The following RPS27A variants were observed in gnomAD, a reference collection of about 807,000 sequenced individuals.
RPS27A encodes the protein ribosomal protein S27a.
Under a neutral mutation model 18.9 loss-of-function variants are expected in RPS27A, and 1 was observed. That is an observed-to-expected ratio of 0.05 (90% CI 0.02 to 0.25). The LOEUF (loss-of-function observed/expected upper bound fraction) is 0.25. Ranked by LOEUF, RPS27A falls within the 10% of genes least tolerant of loss-of-function variation. RPS27A has a pLI of 1.00. For missense variants in RPS27A, 123 were observed against 187.4 expected (o/e 0.66, Z 2.01); for synonymous variants, 77 against 63.7 (o/e 1.21, Z -0.99).
At chr2:55,232,591 C>A (rs908211431), upstream of RPS27A, 4 of 594,290 alleles carry the variant, frequency 6.7e-6, no homozygotes, top group African/African-American at 1.9e-5. Context: ...GTTGGATTGT[C>A]GCTGGGACGG....
chr2:55,234,702 T>C, intron 4 of RPS27A, 129 bp from the exon 5 acceptor site: 1 of 1,028,332 alleles, frequency 9.7e-7, no homozygotes, highest in Non-Finnish European at 1.5e-6. Context: ...CTTTATTGGG[T>C]TTGGGGGCTG....
intron 3 of RPS27A, 71 bp from the exon 4 acceptor site, chr2:55,234,048 G>A (rs964582930): frequency 4.1e-6 from 4 of 968,174 alleles, no homozygotes; most frequent in South Asian, 1.3e-5. Flanking sequence ...ATTAAGGGGT[G>A]TTACCTTATA....
chr2:55,235,830 T>G lies in RPS27A; in HGVS notation c.*253T>G, dbSNP rs1675765021. On this transcript the variant is annotated 3_prime_UTR_variant, in exon 6 of 6. Transcript: ENST00000272317. ...ACCTATACTTTGGCAGAAGTTATATTTAATGTAAGTTGTCTAAATATAAGC... is the reference window on the plus strand; with the variant it reads ...ACCTATACTTTGGCAGAAGTTATATGTAATGTAAGTTGTCTAAATATAAGC... 1.9e-6 allele frequency: 1 copy of G among 527,628 alleles called. No homozygotes were observed. Among genetic ancestry groups the G allele is most frequent in the Non-Finnish European group, 3.4e-6 (1 of 292,964 alleles). The allele number at this position is 527,628 out of a possible 1,614,324, so 32.7% of individuals were successfully genotyped here. A position where few individuals can be genotyped will look rare whatever the true frequency, so the allele number is the denominator to read the frequency against.
intron 5 of RPS27A, 130 bp from the exon 6 acceptor site, chr2:55,235,298 G>T: frequency 9.9e-7 from 1 of 1,006,480 alleles, no homozygotes. Flanking sequence ...TGAGAATTTA[G>T]GGTGCTTTGG....
chr2:55,235,124 G>T, intron 5 of RPS27A, 162 bp downstream of exon 5: 1 of 841,298 alleles, frequency 1.2e-6, no homozygotes, highest in Non-Finnish European at 1.9e-6. Context: ...ACTTTCTGGG[G>T]TTTTTCCTGT....
intron 2 of RPS27A, 101 bp downstream of exon 2, chr2:55,232,973 AT>A: frequency 1.0e-6 from 1 of 999,830 alleles, no homozygotes; most frequent in Non-Finnish European, 1.6e-6. Flanking sequence ...ATGATTCCGA[AT>A]TTGGGTTCTA....
Position 55,235,518 on chromosome 2 carries a change from A to G in RPS27A, c.412A>G (p.Arg138Gly). ...AGVFMASHFD[R>G]HYCGKCCLTY... ...GGTGTTTATGGCAAGTCACTTTGACAGACATTATTGTGGCAAATGTTGTCT... is the reference window on the plus strand; with the variant it reads ...GGTGTTTATGGCAAGTCACTTTGACGGACATTATTGTGGCAAATGTTGTCT... Residue 138 changes from arginine (R) to glycine (G), a missense_variant, in exon 6 of 6, where the codon AGA becomes GGA. Coordinates refer to ENST00000272317, the MANE Select transcript of RPS27A (RefSeq NM_002954.6). 1 of 1,610,062 alleles carries G rather than the reference A, an allele frequency of 6.2e-7. No individual in the cohort carries two copies. The highest frequency in any genetic ancestry group is 8.5e-7 in the Non-Finnish European group (1 of 1,180,002).
At chr2:55,233,179 G>T (rs1172209571) in intron 2 of RPS27A, 184 bp from the exon 3 acceptor site, 2 of 690,328 alleles carry the variant, frequency 2.9e-6, no homozygotes, top group African/African-American at 1.8e-5. Flanking sequence ...CCCGCTCTGG[G>T]CTGGGGAGAT....
At chr2:55,234,705 G>A (rs914988463) in intron 4 of RPS27A, 126 bp from the exon 5 acceptor site, 1 of 1,053,160 alleles carries the variant, frequency 9.5e-7, no homozygotes, top group Non-Finnish European at 1.4e-6. Context: ...TATTGGGTTT[G>A]GGGGCTGCAA....
At chr2:55,233,981 GA>G in intron 3 of RPS27A, 137 bp from the exon 4 acceptor site, 1 of 728,212 alleles carries the variant, frequency 1.4e-6, no homozygotes, top group Non-Finnish European at 2.5e-6. Context: ...TAAAGATTTA[GA>G]ACCATGCCTA....
At chr2:55,233,485 C>T (rs887663993) in intron 3 of RPS27A, 68 bp downstream of exon 3, 20 of 1,072,310 alleles carry the variant, frequency 1.9e-5, no homozygotes, top group Non-Finnish European at 2.5e-5. Flanking sequence ...AGGTGCTAGA[C>T]ATACCTGCTC....
At chr2:55,233,864 A>G in intron 3 of RPS27A, 1 of 555,798 alleles carries the variant, frequency 1.8e-6, no homozygotes, top group South Asian at 2.1e-5. Context: ...TTTTCACATC[A>G]AGTGATCTGC....
intron 4 of RPS27A, 188 bp from the exon 5 acceptor site, chr2:55,234,643 G>A: frequency 1.5e-6 from 1 of 665,004 alleles, no homozygotes; most frequent in South Asian, 1.8e-5. Context: ...ATGGTGTAAT[G>A]TAATGCATTC....
chr2:55,233,168 GC>G, intron 2 of RPS27A, 194 bp from the exon 3 acceptor site: 1 of 660,738 alleles, frequency 1.5e-6, no homozygotes, highest in East Asian at 2.7e-5. Flanking sequence ...TGCGGCCGCC[GC>G]CCGCTCTGGG....
At chr2:55,233,685 A>T in intron 3 of RPS27A, 1 of 515,558 alleles carries the variant, frequency 1.9e-6, no homozygotes, top group East Asian at 3.6e-5. Context: ...GCTGGAGTGC[A>T]TTCGCTTGTC....
rs781083166 is a variant in RPS27A at position 55,233,348 on chromosome 2, C to T, written c.49-15C>T. 3 of 1,607,590 alleles carry T rather than the reference C, an allele frequency of 1.9e-6. No homozygotes were observed. Among genetic ancestry groups the T allele is most frequent in the East Asian group, 2.2e-5 (1 of 44,846 alleles). ...TTAATGTGTAACCAACATGCTTTCA[C>T]TTTAACACTCATAGGTTGAACCCTC... On this transcript the variant is annotated splice_polypyrimidine_tract_variant and intron_variant, in intron 2 of 5. Transcript: ENST00000272317.
upstream of RPS27A, chr2:55,232,535 G>C: frequency 1.9e-6 from 1 of 528,932 alleles, no homozygotes; most frequent in South Asian, 2.0e-5. Flanking sequence ...AATAAGCCCA[G>C]GCTAGGGAGA....
chr2:55,232,723 T>A lies in RPS27A; in HGVS notation c.-18+15T>A. The A allele has an allele frequency of 1.9e-6, 2 of 1,060,970 alleles. No individual in the cohort carries two copies. The highest frequency in any genetic ancestry group is 2.9e-6 in the Non-Finnish European group (2 of 697,672). The allele number at this position is 1,060,970 out of a possible 1,614,324, so 65.7% of individuals were successfully genotyped here. A position where few individuals can be genotyped will look rare whatever the true frequency, so the allele number is the denominator to read the frequency against. On this transcript the variant is annotated intron_variant, in intron 1 of 5. Coordinates refer to ENST00000272317, the MANE Select transcript of RPS27A (RefSeq NM_002954.6). Reference sequence around the variant, plus strand: ...CGCCATCTGCGGTGGGTGTCTGCACTTCGGCTGCTCTCGGGTTAGCACCCT... The same window carrying A: ...CGCCATCTGCGGTGGGTGTCTGCACATCGGCTGCTCTCGGGTTAGCACCCT...
intron 2 of RPS27A, 91 bp downstream of exon 2, chr2:55,232,963 A>G (rs1675557243): frequency 9.5e-7 from 1 of 1,051,110 alleles, no homozygotes; most frequent in Non-Finnish European, 1.5e-6. Context: ...GTCTTAGACC[A>G]TGATTCCGAA....
Sources: gnomAD v4.1 joint callset for allele counts on GRCh38, gnomAD v4.1.1 for gene constraint, MANE v1.5 for transcripts, NCBI Gene and HGNC (gene_info 2026-07-23, HGNC 2026-07-21) for gene names.